HMCN1: variants seen among roughly 807,000 people sequenced by gnomAD.
HMCN1 encodes the protein hemicentin 1, also known as hemicentin-1.
In HMCN1, 321 loss-of-function variants were observed where a neutral mutation model predicts 625.9. The ratio of observed to expected loss-of-function variants is 0.51; its 90% CI spans 0.47 to 0.56. The LOEUF is 0.56. HMCN1 is among the 20% of genes least tolerant of loss of function. The pLI is 0.00. For missense variants in HMCN1, 6,588 were observed against 6,887.3 expected, an observed-to-expected ratio of 0.96 and a Z score of 1.54; for synonymous variants, 2,425 against 2,417.6, an observed-to-expected ratio of 1.00 and a Z score of -0.09.
At chr1:185,926,419 G>C (rs955034131) in intron 9 of HMCN1, among the ~76,000 whole-genome samples, 1 of 152,130 alleles carries the variant, frequency 6.6e-6, no homozygotes, top group African/African-American at 2.4e-5. Context: ...TTAATAACCA[G>C]CAACGTAATT....
intron 75 of HMCN1, 59 bp from the exon 76 acceptor site, chr1:186,116,935 C>T: frequency 6.3e-7 from 1 of 1,589,944 alleles, no homozygotes; most frequent in Middle Eastern, 1.7e-4. Flanking sequence ...GTTAAACTAG[C>T]TGGGAAAATT....
At chr1:185,803,188 C>CAAAAAAAAA (rs1245942461) in intron 1 of HMCN1, among the ~76,000 whole-genome samples, 1 of 33,814 alleles carries the variant, frequency 3.0e-5, no homozygotes, top group African/African-American at 5.4e-5. Flanking sequence ...TTAGCAGAAC[C>CAAAAAAAAA]AAAAAAAAAA....
At chr1:186,020,317 T>G (rs1248101932) in intron 35 of HMCN1, among the ~76,000 whole-genome samples, 1 of 152,032 alleles carries the variant, frequency 6.6e-6, no homozygotes, top group Non-Finnish European at 1.5e-5. Flanking sequence ...GAAATCAGAA[T>G]TAATAGATTT....
At chr1:186,145,329 T>C in intron 91 of HMCN1, 74 bp from the exon 92 acceptor site, 1 of 1,424,096 alleles carries the variant, frequency 7.0e-7, no homozygotes, top group Non-Finnish European at 9.5e-7. Context: ...TTAATACTTT[T>C]TGGATGAATG....
chr1:186,019,582 G>A lies in HMCN1; in HGVS notation c.5512G>A (p.Val1838Met), dbSNP rs1469715341. The A allele has an allele frequency of 2.5e-6, 4 of 1,610,792 alleles. No homozygotes were observed. The highest frequency in any genetic ancestry group is 3.3e-5 in the Admixed American group (2 of 59,892). ...IKSSGLSERVVVKYKPVALQC... is the reference protein window; with the variant it reads ...IKSSGLSERVMVKYKPVALQC... The stretch of plus-strand genomic sequence containing the variant: ...GTCCTCAGGCCTTTCTGAGAGAGTT[G>A]TGGTAAAATACAAGCCTGTCGCCTT... Residue 1838 changes from valine to methionine, a missense_variant, in exon 35 of 107, where the codon GTG (valine) becomes ATG (methionine). Physicochemically the swap from Val to Met is conservative, Grantham distance 21. Around this residue, in one of 3 missense-constraint regions of HMCN1, gnomAD observed 4,628 missense variants for 4,853.1 expected, o/e 0.95. Coordinates refer to ENST00000271588, the MANE Select transcript of HMCN1 (RefSeq NM_031935.3).
chr1:185,955,957 A>T lies in HMCN1; in HGVS notation c.1829-6561A>T, dbSNP rs530105098. On this transcript the variant is annotated intron_variant, in intron 11 of 106. Coordinates refer to ENST00000271588, the MANE Select transcript of HMCN1 (RefSeq NM_031935.3). ...GTTCTATTATCCCTATCTAAATTCT[A>T]CCTATAATGTGAAGCATCTCATAAA... Among the ~76,000 whole-genome samples the T allele has an allele frequency of 7.2e-5, 11 of 152,152 alleles. No individual in the cohort carries two copies. In the South Asian group the frequency reaches 2.3e-3, roughly 32 times the overall value.
At chr1:186,027,422 CAAT>C (rs1558155445) in intron 36 of HMCN1, among the ~76,000 whole-genome samples, 1 of 152,144 alleles carries the variant, frequency 6.6e-6, no homozygotes, top group Non-Finnish European at 1.5e-5. Context: ...TATCTGCACA[CAAT>C]TATTTCCCAG....
At chr1:186,182,877 T>C (rs1327991321) in intron 105 of HMCN1, among the ~76,000 whole-genome samples, 6 of 152,202 alleles carry the variant, frequency 3.9e-5, no homozygotes, top group Admixed American at 1.3e-4. Flanking sequence ...ATATAGCTCA[T>C]TGGTTTTATA....
At position 186,062,599 on chromosome 1, in the gene HMCN1, A is replaced by AGGTATGG. The variant is rs758285800; in HGVS notation, c.7513+1_7513+7dup. On this transcript the variant is annotated frameshift_variant and splice_region_variant, in exon 48 of 107. Transcript: ENST00000271588. LOFTEE classifies it high-confidence loss of function. ...GTGTTACGCTGACTTGTGAAGTGAC[A>AGGTATGG]GGTATGGGCTCAGCTCTCAGACTTT... 163 of 1,602,752 alleles carry AGGTATGG rather than the reference A, an allele frequency of 1.0e-4. No individual in the cohort carries two copies. Among genetic ancestry groups the AGGTATGG allele is most frequent in the Non-Finnish European group, 9.9e-5 (116 of 1,170,032 alleles).
rs755279440 is a variant in HMCN1, at chr1:185,923,515, C to G, written c.1147C>G (p.Arg383Gly). 6.2e-7 allele frequency: 1 copy of G among 1,612,472 alleles called. No individual in the cohort carries two copies. The highest frequency in any genetic ancestry group is 8.5e-7 in the Non-Finnish European group (1 of 1,178,976). The change falls in exon 8 of 107, where the codon CGA becomes GGA. Residue 383 changes from arginine to glycine, a missense_variant. By Grantham distance (125) the Arg-to-Gly change is moderately radical. Transcript: ENST00000271588. ...KTIPVKYYPH[R>G]KPYGIWNISD... is the part of the protein sequence containing the mutation. ...TATTCCTGTTAAATATTACCCACAT[C>G]GAAAACCTTATGGCATATGGAATAT...
chr1:185,737,330 A>G lies in HMCN1; in HGVS notation c.268+2283A>G, dbSNP rs372526676. On this transcript the variant is annotated intron_variant, in intron 1 of 106. Transcript: ENST00000271588. ...CCACATCTGACTAATTATTTTTTTC[A>G]TAGAGACAGGGGTTCCACTATGTTG... Among the ~76,000 whole-genome samples the G allele has an allele frequency of 5.2e-4, 79 of 151,890 alleles. 2 individuals carry two copies. The East Asian group carries it at 0.014, about 28-fold the overall frequency.
intron 14 of HMCN1, among the ~76,000 whole-genome samples, chr1:185,968,788 T>C (rs570254809): frequency 3.9e-4 from 59 of 152,222 alleles, no homozygotes; most frequent in Non-Finnish European, 6.6e-4. Context: ...CTTCTAGTCT[T>C]ACCTAATATT....
intron 1 of HMCN1, among the ~76,000 whole-genome samples, chr1:185,738,813 A>T (rs1339145508): frequency 6.6e-6 from 1 of 152,250 alleles, no homozygotes; most frequent in African/African-American, 2.4e-5. Flanking sequence ...TTCAAAAAAT[A>T]GAAAGTAAAC....
At chr1:186,084,636 T>C (rs531401754) in intron 57 of HMCN1, among the ~76,000 whole-genome samples, 31 of 152,208 alleles carry the variant, frequency 2.0e-4, no homozygotes, top group African/African-American at 6.5e-4. Context: ...CATGGCCAGC[T>C]TAATTTTTGT....
At chr1:185,760,133 G>C (rs1655396908) in intron 1 of HMCN1, among the ~76,000 whole-genome samples, 1 of 152,150 alleles carries the variant, frequency 6.6e-6, no homozygotes, top group African/African-American at 2.4e-5. Flanking sequence ...GGAAATACTT[G>C]TCCAGGTGTT....
intron 11 of HMCN1, among the ~76,000 whole-genome samples, chr1:185,951,372 T>C (rs1668659696): frequency 6.6e-6 from 1 of 151,706 alleles, no homozygotes; most frequent in African/African-American, 2.4e-5. Flanking sequence ...TTTAGAAGCC[T>C]GGCCGTCAAT....
chr1:186,097,264 G>T (rs1280344030), intron 68 of HMCN1, among the ~76,000 whole-genome samples: 1 of 152,068 alleles, frequency 6.6e-6, no homozygotes, highest in Non-Finnish European at 1.5e-5. Context: ...AAGAAATCAA[G>T]AAAATAATCC....
At chr1:185,837,189 A>G (rs1661222621) in intron 1 of HMCN1, among the ~76,000 whole-genome samples, 1 of 152,040 alleles carries the variant, frequency 6.6e-6, no homozygotes, top group South Asian at 2.1e-4. Context: ...GACTTGTAAT[A>G]CATGTAACTG....
chr1:186,020,237 T>TGATA (rs4007525), intron 35 of HMCN1, among the ~76,000 whole-genome samples: 5,633 of 149,942 alleles, frequency 0.038, 119 homozygotes, highest in African/African-American at 0.049. Context: ...AGTAGATTGA[T>TGATA]GATAGATAGA....
Sources: allele counts gnomAD v4.1 joint callset (sites outside exome capture counted in the v4.1 genomes callset), GRCh38; gene constraint gnomAD v4.1.1; regional missense constraint gnomAD v4.1.1; transcripts MANE v1.5; gene names NCBI Gene and HGNC (gene_info 2026-07-23, HGNC 2026-07-21).